The following SEMA6D variants were observed in gnomAD, a reference collection of about 807,000 sequenced individuals.
The protein encoded by SEMA6D is semaphorin 6D.
Under a neutral mutation model 106.6 loss-of-function variants are expected in SEMA6D, and 35 were observed. The ratio of observed to expected loss-of-function variants is 0.33; its 90% CI spans 0.25 to 0.44. SEMA6D has a LOEUF of 0.44. SEMA6D is among the 20% of genes least tolerant of loss of function. The probability of loss-of-function intolerance (pLI) is 1.00; values close to 1 mark genes in which losing one functional copy is unlikely to be tolerated. For missense variants in SEMA6D, 1,185 were observed against 1,345.9 expected (o/e 0.88, Z 1.87); for synonymous variants, 499 against 487.7 (o/e 1.02, Z -0.31).
intron 1 of SEMA6D, among the ~76,000 whole-genome samples, chr15:47,202,445 A>G (rs900668594): frequency 1.3e-5 from 2 of 152,062 alleles, no homozygotes; most frequent in Non-Finnish European, 2.9e-5. Context: ...AGAATGCCTC[A>G]AGTGAGCATG....
At chr15:47,308,471 C>G (rs2036316073) in intron 1 of SEMA6D, among the ~76,000 whole-genome samples, 1 of 152,162 alleles carries the variant, frequency 6.6e-6, no homozygotes, top group Admixed American at 6.5e-5. Flanking sequence ...CCTATAATCT[C>G]TAAAATAAGT....
intron 1 of SEMA6D, among the ~76,000 whole-genome samples, chr15:47,236,828 A>G (rs1247677901): frequency 6.6e-6 from 1 of 152,202 alleles, no homozygotes; most frequent in Non-Finnish European, 1.5e-5. Context: ...AACTTGGGCA[A>G]ATAGCACGGG....
chr15:47,187,107 G>C lies in SEMA6D; in HGVS notation c.-239+2689G>C, dbSNP rs138782242. Among the ~76,000 whole-genome samples the C allele has an allele frequency of 6.4e-3, 967 of 152,106 alleles. 11 individuals are homozygous for C. Among genetic ancestry groups the C allele is most frequent in the Middle Eastern group, 0.01 (3 of 294 alleles). ...CACATGAAGAATGAACCATTGTTTT[G>C]TTGTCTAGGAACTGAAGGAAGATGG... On this transcript the variant is annotated intron_variant, in intron 1 of 19. Coordinates refer to the SEMA6D transcript ENST00000558014.
intron 1 of SEMA6D, among the ~76,000 whole-genome samples, chr15:47,733,344 G>A (rs2080252333): frequency 6.6e-6 from 1 of 152,110 alleles, no homozygotes; most frequent in Admixed American, 6.5e-5. Context: ...TAAAACACAG[G>A]TAAGGAGGCT....
At chr15:47,352,890 C>A (rs1288605504) in intron 1 of SEMA6D, among the ~76,000 whole-genome samples, 1 of 152,166 alleles carries the variant, frequency 6.6e-6, no homozygotes, top group African/African-American at 2.4e-5. Flanking sequence ...CATGTAGATA[C>A]AACAAGGCTG....
At chr15:47,394,971 T>C (rs2040164158) in intron 1 of SEMA6D, among the ~76,000 whole-genome samples, 1 of 152,068 alleles carries the variant, frequency 6.6e-6, no homozygotes, top group Non-Finnish European at 1.5e-5. Flanking sequence ...GCAAACCTCA[T>C]TGTGATCTCT....
intron 1 of SEMA6D, chr15:47,360,036 T>C (rs1022544092): frequency 5.9e-5 from 9 of 152,108 alleles, no homozygotes; most frequent in African/African-American, 1.9e-4. Context: ...GTTTCTTTTT[T>C]CTTCTTTTTT....
At chr15:47,660,028 A>G (rs1284613752) in intron 4 of SEMA6D, among the ~76,000 whole-genome samples, 3 of 151,452 alleles carry the variant, frequency 2.0e-5, no homozygotes, top group African/African-American at 7.3e-5. Context: ...ATCTCATAGG[A>G]CTCCATTTTT....
intron 1 of SEMA6D, among the ~76,000 whole-genome samples, chr15:47,205,832 A>G (rs931451549): frequency 1.3e-5 from 2 of 152,216 alleles, no homozygotes. Flanking sequence ...TTATCAGCAA[A>G]TATACTGCAA....
intron 1 of SEMA6D, among the ~76,000 whole-genome samples, chr15:47,357,131 G>A (rs1020765976): frequency 3.3e-5 from 5 of 151,840 alleles, no homozygotes; most frequent in Admixed American, 6.6e-5. Context: ...TCAGGAGATC[G>A]AGACCATCCT....
intron 1 of SEMA6D, among the ~76,000 whole-genome samples, chr15:47,740,349 C>T (rs1332859415): frequency 2.0e-5 from 3 of 151,898 alleles, no homozygotes; most frequent in Non-Finnish European, 4.4e-5. Flanking sequence ...TGAAACTCCA[C>T]CTCTACTAAA....
At chr15:47,237,377 G>A (rs968648941) in intron 1 of SEMA6D, among the ~76,000 whole-genome samples, 1 of 152,092 alleles carries the variant, frequency 6.6e-6, no homozygotes, top group Non-Finnish European at 1.5e-5. Flanking sequence ...AACCCTAGAG[G>A]AGTTCTATTT....
intron 3 of SEMA6D, among the ~76,000 whole-genome samples, chr15:47,574,059 T>C (rs2076113771): frequency 6.6e-6 from 1 of 152,084 alleles, no homozygotes; most frequent in Admixed American, 6.5e-5. Flanking sequence ...TTTCATAGGA[T>C]CCAGGCAAGA....
intron 3 of SEMA6D, among the ~76,000 whole-genome samples, chr15:47,522,782 T>G (rs901012563): frequency 6.6e-6 from 1 of 152,116 alleles, no homozygotes; most frequent in Admixed American, 6.5e-5. Flanking sequence ...CGTCAGTTGG[T>G]GTCCCAGCAG....
intron 2 of SEMA6D, among the ~76,000 whole-genome samples, chr15:47,424,032 G>C (rs2041254124): frequency 6.6e-6 from 1 of 152,030 alleles, no homozygotes; most frequent in Admixed American, 6.6e-5. Flanking sequence ...TGTGAGTCAT[G>C]GAATTTTGCA....
At chr15:47,241,838 T>C (rs2032929075) in intron 1 of SEMA6D, among the ~76,000 whole-genome samples, 1 of 152,156 alleles carries the variant, frequency 6.6e-6, no homozygotes, top group South Asian at 2.1e-4. Flanking sequence ...AGAACTTACC[T>C]AGCTGAATGT....
rs72735844 is a variant in SEMA6D at position 47,697,218 on chromosome 15, G to T, written c.-54-62527G>T. On this transcript the variant is annotated intron_variant, in intron 4 of 19. Transcript: ENST00000558014. ...ATCTGTCAACTTGCAGGAAACAAGG[G>T]AGCAGGATGGAGGGCCCTGAATGTC... is the stretch of plus-strand genomic sequence containing the variant. Among the ~76,000 whole-genome samples, 1,108 of 152,260 alleles carry T rather than the reference G, an allele frequency of 7.3e-3. 5 individuals are homozygous for T. The highest frequency in any genetic ancestry group is 0.01 in the Non-Finnish European group (708 of 68,010).
chr15:47,665,626 A>G (rs910113472), intron 4 of SEMA6D, among the ~76,000 whole-genome samples: 9 of 152,162 alleles, frequency 5.9e-5, no homozygotes, highest in African/African-American at 7.2e-5. Flanking sequence ...CCTGGCCAAC[A>G]TGGTGAAATC....
intron 3 of SEMA6D, among the ~76,000 whole-genome samples, chr15:47,590,254 G>C (rs1050156553): frequency 2.8e-4 from 42 of 151,984 alleles, no homozygotes; most frequent in African/African-American, 9.9e-4. Context: ...GCTGGAAACC[G>C]TCATTCTCAG....
Sources: allele counts gnomAD v4.1 joint callset (sites outside exome capture counted in the v4.1 genomes callset), GRCh38; gene constraint gnomAD v4.1.1; transcripts MANE v1.5; gene names NCBI Gene and HGNC (gene_info 2026-07-23, HGNC 2026-07-21).